PDGFB: variants seen among roughly 807,000 people sequenced by gnomAD.
The protein encoded by PDGFB is platelet-derived growth factor subunit B.
In PDGFB, 6 loss-of-function variants were observed where a neutral mutation model predicts 29.0. That is an observed-to-expected ratio of 0.21 (90% confidence interval 0.11 to 0.41). PDGFB has a LOEUF of 0.41. PDGFB is among the 10% of genes least tolerant of loss of function. PDGFB has a pLI of 1.00. For missense variants in PDGFB, 299 were observed against 341.8 expected (o/e 0.87, Z 0.99); for synonymous variants, 144 against 140.8 (o/e 1.02, Z -0.16).
chr22:39,242,091 C>A lies in PDGFB; in HGVS notation c.63+1810G>T, dbSNP rs1405105943. 1 of 228,830 alleles carries A rather than the reference C, an allele frequency of 4.4e-6. No individual in the cohort carries two copies. The highest frequency in any genetic ancestry group is 8.7e-6 in the Non-Finnish European group (1 of 115,312). 14.2% of individuals were successfully genotyped at this position (228,830 alleles called of 1,614,324 possible). ...GGGCCCGTGCGTGCCTGTGTACGTG[C>A]GTGGGTGTGCGCGCACGTGTGCTCA... On this transcript the variant is annotated intron_variant, in intron 1 of 6. Coordinates refer to ENST00000331163, the MANE Select transcript of PDGFB (RefSeq NM_002608.4). The surrounding 1 kb of genome is among the most constrained non-coding windows in gnomAD (Gnocchi z 5.7).
intron 1 of PDGFB, among the ~76,000 whole-genome samples, chr22:39,236,880 C>T (rs567017942): frequency 6.6e-6 from 1 of 152,206 alleles, no homozygotes; most frequent in Non-Finnish European, 1.5e-5. Flanking sequence ...CGTGCAGGCA[C>T]AGGCACTCGG....
rs1932597796 is a variant in PDGFB, at chr22:39,242,750, G to T, written c.63+1151C>A. 6.6e-6 allele frequency among the ~76,000 whole-genome samples: 1 copy of T among 152,062 alleles called. No homozygotes were observed. Among genetic ancestry groups the T allele is most frequent in the Non-Finnish European group, 1.5e-5 (1 of 67,968 alleles). ...TTCGCCGCCGCTGCCTCCTTCCTGC[G>T]CCTGGCTGGAGGCCGCAGGGGCCGA... On this transcript the variant is annotated intron_variant, in intron 1 of 6. Coordinates refer to ENST00000331163, the MANE Select transcript of PDGFB (RefSeq NM_002608.4). This position sits in a 1 kb window ranked among gnomAD's most constrained non-coding sequence, Gnocchi z 5.7.
intron 5 of PDGFB, among the ~76,000 whole-genome samples, chr22:39,228,903 T>G (rs995363221): frequency 7.4e-4 from 92 of 124,796 alleles, no homozygotes; most frequent in African/African-American, 2.2e-3. Flanking sequence ...AATATATATA[T>G]ATATAGATAT....
Position 39,231,920 on chromosome 22 carries a change from C to G in PDGFB, c.251-93G>C. ...CTCAGCGGGTGCCTCCGGGACTGCT[C>G]TTTCTCACGCCCTTCAACCCCAGGG... On this transcript the variant is annotated intron_variant, in intron 3 of 6. Coordinates refer to ENST00000331163, the MANE Select transcript of PDGFB (RefSeq NM_002608.4). This position sits in a 1 kb window ranked among gnomAD's most constrained non-coding sequence, Gnocchi z 4.3. 1 of 1,020,950 alleles carries G rather than the reference C, an allele frequency of 9.8e-7. No individual in the cohort carries two copies. The highest frequency in any genetic ancestry group is 2.3e-5 in the Admixed American group (1 of 44,180). The allele number at this position is 1,020,950 out of a possible 1,614,324, so 63.2% of individuals were successfully genotyped here. A position where few individuals can be genotyped will look rare whatever the true frequency, so the allele number is the denominator to read the frequency against.
chr22:39,226,442 G>A (rs1477337734), intron 5 of PDGFB, among the ~76,000 whole-genome samples: 1 of 152,142 alleles, frequency 6.6e-6, no homozygotes, highest in African/African-American at 2.4e-5. Flanking sequence ...CGTAGAGCCA[G>A]AGGCCCTGGA....
At chr22:39,226,556 G>A (rs1932170761) in intron 5 of PDGFB, among the ~76,000 whole-genome samples, 1 of 152,192 alleles carries the variant, frequency 6.6e-6, no homozygotes, top group African/African-American at 2.4e-5. Flanking sequence ...CAATAGAACT[G>A]CCCAGCTGAG....
intron 4 of PDGFB, among the ~76,000 whole-genome samples, chr22:39,230,764 G>A (rs1047242252): frequency 6.6e-6 from 1 of 152,256 alleles, no homozygotes; most frequent in African/African-American, 2.4e-5. Context: ...AGGTGGGCAG[G>A]AGGAGAGGCC....
At position 39,233,324 on chromosome 22, in the gene PDGFB, C is replaced by A. The variant is rs11704525; in HGVS notation, c.250+111G>T. Reference sequence around the variant, plus strand: ...CGCTCAGTCCTGAATGTGGGGGGAACGGGAGTTGTAAGAGGACCCTCGGGG... The same window carrying A: ...CGCTCAGTCCTGAATGTGGGGGGAAAGGGAGTTGTAAGAGGACCCTCGGGG... On this transcript the variant is annotated intron_variant, in intron 3 of 6. Transcript: ENST00000331163. 0.42 allele frequency: 291,070 copies of A among 687,502 alleles called. 66,931 individuals are homozygous for A. The highest frequency in any genetic ancestry group is 0.49 in the Non-Finnish European group (195,743 of 403,110). 42.6% of individuals were successfully genotyped at this position (687,502 alleles called of 1,614,324 possible).
chr22:39,232,772 G>GC (rs1932341204), intron 3 of PDGFB, among the ~76,000 whole-genome samples: 1 of 152,230 alleles, frequency 6.6e-6, no homozygotes, highest in Non-Finnish European at 1.5e-5. Flanking sequence ...ACAGGCGTGA[G>GC]CCACCATGCC....
intron 1 of PDGFB, among the ~76,000 whole-genome samples, chr22:39,240,287 G>T (rs954919944): frequency 5.9e-5 from 9 of 151,896 alleles, no homozygotes; most frequent in East Asian, 1.9e-4. Context: ...CCAGCCAGGG[G>T]ACGGGGCCAG....
intron 1 of PDGFB, chr22:39,240,748 A>G: frequency 7.5e-7 from 1 of 1,328,940 alleles, no homozygotes; most frequent in Non-Finnish European, 1.1e-6. Flanking sequence ...ACTCCAGTAG[A>G]GAAAGCAGGT....
At position 39,225,859 on chromosome 22, in the gene PDGFB, A is replaced by G; in HGVS notation, c.602-12T>C. On this transcript the variant is annotated splice_polypyrimidine_tract_variant and intron_variant, in intron 5 of 6. Coordinates refer to ENST00000331163, the MANE Select transcript of PDGFB (RefSeq NM_002608.4). Reference sequence around the variant, plus strand: ...TTGGGGCGTTTTGGCTGCACAAGAAAAAGAAAGACCTCGTCAGCATGTGGA... The same window carrying G: ...TTGGGGCGTTTTGGCTGCACAAGAAGAAGAAAGACCTCGTCAGCATGTGGA... The G allele has an allele frequency of 6.2e-7, 1 of 1,608,628 alleles. No individual in the cohort carries two copies. The highest frequency in any genetic ancestry group is 8.5e-7 in the Non-Finnish European group (1 of 1,175,832).
chr22:39,225,574 G>A lies in PDGFB; in HGVS notation c.*28+121C>T, dbSNP rs113867122. The A allele has an allele frequency of 3.6e-3, 3,573 of 981,232 alleles. 88 individuals carry two copies. The African/African-American group carries it at 0.054, about 15-fold the overall frequency. 60.8% of individuals were successfully genotyped at this position (981,232 alleles called of 1,614,324 possible). A position where few individuals can be genotyped will look rare whatever the true frequency, so the allele number is the denominator to read the frequency against. On this transcript the variant is annotated intron_variant, in intron 6 of 6. Transcript: ENST00000331163. Reference sequence around the variant, plus strand: ...CCTGCCCCAGCTGATAACTGGACAGGGAGGACCAAGGCTCAGAGGCTGGAT... The same window carrying A: ...CCTGCCCCAGCTGATAACTGGACAGAGAGGACCAAGGCTCAGAGGCTGGAT...
chr22:39,242,538 C>T lies in PDGFB; in HGVS notation c.63+1363G>A, dbSNP rs553025850. 5.1e-3 allele frequency among the ~76,000 whole-genome samples: 776 copies of T among 150,768 alleles called. 2 individuals carry two copies. Among genetic ancestry groups the T allele is most frequent in the African/African-American group, 0.018 (736 of 41,356 alleles). On this transcript the variant is annotated intron_variant, in intron 1 of 6. Transcript: ENST00000331163. This position sits in a 1 kb window ranked among gnomAD's most constrained non-coding sequence, Gnocchi z 5.7. ...AGGCGGCCCGGCCGAGCCCCGCGTC[C>T]TCCCTCCCGGGTGCGGGCCGCGGGG...
At position 39,243,805 on chromosome 22, in the gene PDGFB, G is replaced by T; in HGVS notation, c.63+96C>A. 1 of 1,004,212 alleles carries T rather than the reference G, an allele frequency of 1.0e-6. No homozygotes were observed. Among genetic ancestry groups the T allele is most frequent in the Non-Finnish European group, 1.5e-6 (1 of 677,330 alleles). The allele number at this position is 1,004,212 out of a possible 1,614,324, so 62.2% of individuals were successfully genotyped here. The stretch of plus-strand genomic sequence containing the variant: ...CGGCGTCAGGCTCGCGGGCTGCAAG[G>T]GTCCAAAGTTCACTGCAGGGAGAGG... On this transcript the variant is annotated intron_variant, in intron 1 of 6. Transcript: ENST00000331163. The surrounding 1 kb of genome is among the most constrained non-coding windows in gnomAD (Gnocchi z 6.4).
rs1314655929 is a variant in PDGFB at position 39,243,365 on chromosome 22, G to A, written c.63+536C>T. On this transcript the variant is annotated intron_variant, in intron 1 of 6. Coordinates refer to ENST00000331163, the MANE Select transcript of PDGFB (RefSeq NM_002608.4). This position sits in a 1 kb window ranked among gnomAD's most constrained non-coding sequence, Gnocchi z 6.4. ...CTTCCAGACCGTGCTCTGGGGCCGG[G>A]CATGCCCTGCGCGTGCCGGAGGGCG... Among the ~76,000 whole-genome samples the A allele has an allele frequency of 6.6e-6, 1 of 151,878 alleles. No individual in the cohort carries two copies. The highest frequency in any genetic ancestry group is 2.4e-5 in the African/African-American group (1 of 41,334).
intron 1 of PDGFB, among the ~76,000 whole-genome samples, chr22:39,240,572 A>T (rs1478821423): frequency 2.0e-5 from 3 of 152,046 alleles, no homozygotes; most frequent in Non-Finnish European, 4.4e-5. Context: ...GAGCAGAGCA[A>T]AGCGAGGACT....
chr22:39,223,942 A>G lies in PDGFB; in HGVS notation c.*1400T>C, dbSNP rs1345794841. 6.6e-6 allele frequency: 1 copy of G among 152,144 alleles called. No homozygotes were observed. The highest frequency in any genetic ancestry group is 1.9e-4 in the East Asian group (1 of 5,200). 9.4% of individuals were successfully genotyped at this position (152,144 alleles called of 1,614,324 possible). ...TTCCCAGCCCACGAGCTGGTTTCCTAGGAGGAGCCACCAGAGGTGGAGCTC... is the reference window on the plus strand; with the variant it reads ...TTCCCAGCCCACGAGCTGGTTTCCTGGGAGGAGCCACCAGAGGTGGAGCTC... On this transcript the variant is annotated 3_prime_UTR_variant, in exon 7 of 7. Coordinates refer to ENST00000331163, the MANE Select transcript of PDGFB (RefSeq NM_002608.4).
chr22:39,233,348 G>C, intron 3 of PDGFB, 87 bp downstream of exon 3: 1 of 925,192 alleles, frequency 1.1e-6, no homozygotes, highest in South Asian at 1.5e-5. Flanking sequence ...GGACCCTCGG[G>C]GCCCTCCGAC....
Sources: gnomAD v4.1 joint callset for allele counts (sites outside exome capture counted in the v4.1 genomes callset) on GRCh38, gnomAD v4.1.1 for gene constraint, Gnocchi (gnomAD v3.1) non-coding constraint, MANE v1.5 for transcripts, NCBI Gene and HGNC (gene_info 2026-07-23, HGNC 2026-07-21) for gene names.